The following ATP8B4 variants were observed in gnomAD, a reference collection of about 807,000 sequenced individuals.
ATP8B4 encodes probable phospholipid-transporting ATPase IM.
In ATP8B4, 133 loss-of-function variants were observed where a neutral mutation model predicts 145.6. That is an observed-to-expected ratio of 0.91 (90% CI 0.79 to 1.05). The LOEUF is 1.05. ATP8B4 is among the 50% of genes least tolerant of loss of function. The pLI, the probability that ATP8B4 is intolerant of heterozygous loss-of-function variation, is 0.00. For missense variants in ATP8B4, 1,458 were observed against 1,425.2 expected, an observed-to-expected ratio of 1.02 and a Z score of -0.37; for synonymous variants, 507 against 492.9, an observed-to-expected ratio of 1.03 and a Z score of -0.38.
intron 9 of ATP8B4, among the ~76,000 whole-genome samples, chr15:49,992,142 A>T (rs1016644232): frequency 1.3e-5 from 2 of 152,150 alleles, no homozygotes; most frequent in Non-Finnish European, 2.9e-5. Flanking sequence ...GCTAACAATA[A>T]TCTCTTCCTT....
intron 1 of ATP8B4, among the ~76,000 whole-genome samples, chr15:50,130,380 A>T (rs2057337577): frequency 6.6e-6 from 1 of 152,166 alleles, no homozygotes; most frequent in African/African-American, 2.4e-5. Context: ...AGAATGTAAG[A>T]GCCCAGGACT....
In ATP8B4 at chr15:49,863,314, C is replaced by A. The variant is rs531571566; in HGVS notation, c.3167-939G>T. On this transcript the variant is annotated intron_variant, in intron 26 of 27. Coordinates refer to ENST00000284509, the MANE Select transcript of ATP8B4 (RefSeq NM_024837.4). ...GATGCAGCCATCCAACATGCTAGGGCAATAGGACAGTGAAACTCATTTCCA... is the reference window on the plus strand; with the variant it reads ...GATGCAGCCATCCAACATGCTAGGGAAATAGGACAGTGAAACTCATTTCCA... 2.6e-5 allele frequency among the ~76,000 whole-genome samples: 4 copies of A among 152,296 alleles called. No individual in the cohort carries two copies. In the East Asian group the frequency reaches 5.8e-4, roughly 22 times the overall value.
intron 9 of ATP8B4, among the ~76,000 whole-genome samples, chr15:49,992,264 T>A (rs1035239307): frequency 6.6e-6 from 1 of 152,202 alleles, no homozygotes; most frequent in Non-Finnish European, 1.5e-5. Flanking sequence ...CTGAGAACTT[T>A]AGGGCCTTTA....
chr15:49,970,270 A>C (rs911928433), intron 13 of ATP8B4, among the ~76,000 whole-genome samples: 5 of 152,230 alleles, frequency 3.3e-5, no homozygotes, highest in African/African-American at 1.2e-4. Flanking sequence ...AGTTCTGACC[A>C]GGGCAATCAG....
chr15:50,018,924 C>G, intron 6 of ATP8B4: 2 of 1,261,292 alleles, frequency 1.6e-6, no homozygotes, highest in South Asian at 2.5e-5. Context: ...TTCTTCCTTA[C>G]AATTACCAGA....
At chr15:50,125,164 G>A (rs1002076265) in intron 1 of ATP8B4, among the ~76,000 whole-genome samples, 1 of 152,152 alleles carries the variant, frequency 6.6e-6, no homozygotes, top group Non-Finnish European at 1.5e-5. Flanking sequence ...GAAAGGAGTA[G>A]TAGAACAATG....
At chr15:50,133,630 T>C (rs2044079320) in intron 1 of ATP8B4, among the ~76,000 whole-genome samples, 1 of 151,600 alleles carries the variant, frequency 6.6e-6, no homozygotes, top group Non-Finnish European at 1.5e-5. Flanking sequence ...AATAAGAAAG[T>C]CAAACTCACA....
intron 14 of ATP8B4, among the ~76,000 whole-genome samples, chr15:49,942,674 A>G (rs2042252921): frequency 6.6e-6 from 1 of 151,980 alleles, no homozygotes; most frequent in Non-Finnish European, 1.5e-5. Context: ...AAATACAAAA[A>G]ATTAGCTGGA....
chr15:49,947,652 C>A (rs7496373), intron 14 of ATP8B4, among the ~76,000 whole-genome samples: 11,958 of 151,916 alleles, frequency 0.079, 515 homozygotes, highest in Middle Eastern at 0.095. Context: ...ACAAATGACC[C>A]CAGATAGCCA....
chr15:49,924,305 T>C (rs903665703), intron 16 of ATP8B4, among the ~76,000 whole-genome samples: 2 of 152,164 alleles, frequency 1.3e-5, no homozygotes, highest in African/African-American at 2.4e-5. Context: ...TAGTAGGCAA[T>C]TAATAATTAT....
rs182621771 is a variant in ATP8B4, at chr15:50,045,892, G to A, written c.202-1200C>T. On this transcript the variant is annotated intron_variant, in intron 4 of 27. Transcript: ENST00000284509. ...GGAATGGTGTGAAGTGTTACTTGAAGAAACCAAAAGCAACTTCATGGGGAG... is the reference window on the plus strand; with the variant it reads ...GGAATGGTGTGAAGTGTTACTTGAAAAAACCAAAAGCAACTTCATGGGGAG... 2.3e-3 allele frequency among the ~76,000 whole-genome samples: 348 copies of A among 152,302 alleles called. 4 individuals are homozygous for A. Among genetic ancestry groups the A allele is most frequent in the African/African-American group, 8.0e-3 (334 of 41,564 alleles).
chr15:50,014,055 AAG>A (rs1242726643), intron 6 of ATP8B4, among the ~76,000 whole-genome samples: 1 of 152,180 alleles, frequency 6.6e-6, no homozygotes, highest in African/African-American at 2.4e-5. Context: ...TGAGAAACAA[AAG>A]AGGGGATTTT....
chr15:50,085,355 G>T (rs1397290635), intron 2 of ATP8B4, among the ~76,000 whole-genome samples: 3 of 152,096 alleles, frequency 2.0e-5, no homozygotes, highest in African/African-American at 7.2e-5. Flanking sequence ...ATCACACTTT[G>T]CCTAATATCA....
upstream of ATP8B4, among the ~76,000 whole-genome samples, chr15:50,122,016 A>T (rs1461486849): frequency 6.6e-6 from 1 of 152,186 alleles, no homozygotes; most frequent in Non-Finnish European, 1.5e-5. Context: ...AAGAGATGGA[A>T]ATTTTTATTC....
chr15:50,012,797 C>G (rs956255334), intron 6 of ATP8B4, among the ~76,000 whole-genome samples: 5 of 152,106 alleles, frequency 3.3e-5, no homozygotes, highest in African/African-American at 4.8e-5. Flanking sequence ...GTGTGAGATG[C>G]CTTGCTTAAC....
At position 49,898,244 on chromosome 15, in the gene ATP8B4, G is replaced by T; in HGVS notation, c.2297C>A (p.Ala766Asp). The change falls in exon 22 of 28, where the codon GCC (alanine) becomes GAC (aspartate). Residue 766 changes from alanine to aspartate, a missense_variant. Ala to Asp is a moderately radical substitution (Grantham distance 126, BLOSUM62 -2). Coordinates refer to ENST00000284509, the MANE Select transcript of ATP8B4 (RefSeq NM_024837.4). ...ATCATTCTTGACATCACTTTCTAGG[G>T]CATGAGCCTGTATGATTAAAAATAA... ...LIINGHSLAH[A>D]LESDVKNDLL... 3 of 1,612,764 alleles carry T rather than the reference G, an allele frequency of 1.9e-6. No individual in the cohort carries two copies. Among genetic ancestry groups the T allele is most frequent in the Non-Finnish European group, 2.5e-6 (3 of 1,179,250 alleles).
intron 12 of ATP8B4, among the ~76,000 whole-genome samples, chr15:49,978,815 GGTGTGTGTGTGT>G (rs60135914): frequency 6.2e-5 from 9 of 145,222 alleles, no homozygotes; most frequent in Non-Finnish European, 1.4e-4. Context: ...AATAAAGAGG[GGTGTGTGTGTGT>G]GTGTGTGTGT....
intron 1 of ATP8B4, among the ~76,000 whole-genome samples, chr15:50,138,581 T>A (rs2044164195): frequency 6.6e-6 from 1 of 152,174 alleles, no homozygotes; most frequent in African/African-American, 2.4e-5. Context: ...CTAATAGGCA[T>A]CATCTCCCAC....
At chr15:50,155,152 A>C (rs8039751) in intron 1 of ATP8B4, among the ~76,000 whole-genome samples, 14,604 of 152,156 alleles carry the variant, frequency 0.096, 952 homozygotes, top group African/African-American at 0.17. Flanking sequence ...CTAAGTAAGA[A>C]CCTTGAAGTT....
Sources: allele counts gnomAD v4.1 joint callset (sites outside exome capture counted in the v4.1 genomes callset), GRCh38; gene constraint gnomAD v4.1.1; transcripts MANE v1.5; gene names NCBI Gene and HGNC (gene_info 2026-07-23, HGNC 2026-07-21).